Variants in ABCG1 observed in about 807,000 individuals in gnomAD.
The protein encoded by ABCG1 is ATP-binding cassette sub-family G member 1.
ABCG1 carries 29 observed loss-of-function variants against 69.2 expected under a neutral mutation model. The observed-to-expected ratio is 0.42, with a 90% CI of 0.31 to 0.57. The LOEUF (loss-of-function observed/expected upper bound fraction) is 0.57, where lower values mean the gene tolerates loss of function less well. Among genes scored for constraint, ABCG1 ranks in the 20% least tolerant of loss-of-function variants. The pLI is 0.15. For missense variants in ABCG1, 718 were observed against 898.1 expected (o/e 0.80, Z 2.56); for synonymous variants, 370 against 374.8 (o/e 0.99, Z 0.15).
chr21:42,215,065 T>C (rs1450694971), upstream of ABCG1, among the ~76,000 whole-genome samples: 1 of 152,224 alleles, frequency 6.6e-6, no homozygotes, highest in African/African-American at 2.4e-5. Context: ...GCAGGCTGCA[T>C]GCAGACCAGC....
intron 4 of ABCG1, among the ~76,000 whole-genome samples, chr21:42,274,562 C>A (rs952322829): frequency 2.0e-5 from 3 of 151,258 alleles, no homozygotes; most frequent in Non-Finnish European, 4.4e-5. Context: ...GCAACCTCCG[C>A]CTCCCAGGTT....
At chr21:42,212,939 C>A (rs545614015), upstream of ABCG1, among the ~76,000 whole-genome samples, 1 of 152,164 alleles carries the variant, frequency 6.6e-6, no homozygotes, top group African/African-American at 2.4e-5. Flanking sequence ...GTGATCCGCC[C>A]GCCTTGGCCT....
chr21:42,220,182 C>G (rs561355302), intron 1 of ABCG1: 8 of 717,660 alleles, frequency 1.1e-5, no homozygotes, highest in Non-Finnish European at 1.9e-5. Context: ...CTACGCCCAG[C>G]ACACCAACAT....
At chr21:42,260,217 A>G in intron 2 of ABCG1, 1 of 1,544,994 alleles carries the variant, frequency 6.5e-7, no homozygotes, top group African/African-American at 1.4e-5. Context: ...TGCTCACTTC[A>G]ACCCTGCAGG....
Position 42,219,972 on chromosome 21 carries a change from A to G in ABCG1, c.42+668A>G, listed in dbSNP as rs1228280062. 3 of 1,552,070 alleles carry G rather than the reference A, an allele frequency of 1.9e-6. No homozygotes were observed. Among genetic ancestry groups the G allele is most frequent in the South Asian group, 1.2e-5 (1 of 84,082 alleles). ...AGAGAGAGACGCGGTGGGGACAGGG[A>G]TGCGCATTTCACTTCCCCGAGCTCC... On this transcript the variant is annotated intron_variant, in intron 1 of 14. Coordinates refer to ENST00000398449, the MANE Select transcript of ABCG1 (RefSeq NM_016818.3). This position sits in a 1 kb window ranked among gnomAD's most constrained non-coding sequence, Gnocchi z 5.3.
chr21:42,265,776 G>C (rs549648616), intron 2 of ABCG1, among the ~76,000 whole-genome samples: 1 of 152,346 alleles, frequency 6.6e-6, no homozygotes, highest in Admixed American at 6.5e-5. Flanking sequence ...GCTGGCTCAG[G>C]ACCGCAGGCT....
intron 1 of ABCG1, among the ~76,000 whole-genome samples, chr21:42,223,172 C>T (rs76253962): frequency 0.057 from 8,650 of 152,244 alleles, 343 homozygotes; most frequent in African/African-American, 0.1. Flanking sequence ...ACGCTCCAGC[C>T]CCTGCGTTTC....
At position 42,296,228 on chromosome 21, in the gene ABCG1, A is replaced by G. The variant is rs1366985650; in HGVS notation, c.1837A>G (p.Ile613Val). 2.5e-6 allele frequency: 4 copies of G among 1,613,996 alleles called. No individual in the cohort carries two copies. The highest frequency in any genetic ancestry group is 2.2e-5 in the South Asian group (2 of 91,076). ...AGACCGGGAAGATCTGCACTGTGAC[A>G]TCGACGAGACGTGCCACTTCCAGAA... ...GLDREDLHCDIDETCHFQKSE... is the reference protein window; with the variant it reads ...GLDREDLHCDVDETCHFQKSE... Residue 613 changes from isoleucine (I) to valine (V), a missense_variant, in exon 15 of 15, where the codon ATC (isoleucine) becomes GTC (valine). Transcript: ENST00000398449. The surrounding 1 kb of genome is among the most constrained non-coding windows in gnomAD (Gnocchi z 5.4).
chr21:42,208,594 A>G (rs1257733378), intron 2 of ABCG1, among the ~76,000 whole-genome samples: 1 of 152,188 alleles, frequency 6.6e-6, no homozygotes, highest in East Asian at 1.9e-4. Flanking sequence ...ATAGCAGTGA[A>G]CGTGTGGAAA....
At chr21:42,289,388 T>G (rs1380336078) in intron 10 of ABCG1, among the ~76,000 whole-genome samples, 1 of 152,192 alleles carries the variant, frequency 6.6e-6, no homozygotes, top group Non-Finnish European at 1.5e-5. Flanking sequence ...AAATCATCAC[T>G]TGCACTCACA....
At chr21:42,270,995 G>A in intron 2 of ABCG1, 75 bp from the exon 3 acceptor site, 8 of 1,064,036 alleles carry the variant, frequency 7.5e-6, no homozygotes, top group Non-Finnish European at 1.0e-5. Flanking sequence ...TTGGTCATGT[G>A]TACTTGAACA....
intron 10 of ABCG1, among the ~76,000 whole-genome samples, 200 bp from the exon 11 acceptor site, chr21:42,289,848 GTA>G (rs1434646389): frequency 2.0e-5 from 3 of 152,190 alleles, no homozygotes; most frequent in Non-Finnish European, 4.4e-5. Flanking sequence ...GAGCAGGCGT[GTA>G]TGTGTGTGTG....
At chr21:42,274,997 G>A (rs988705433) in intron 4 of ABCG1, among the ~76,000 whole-genome samples, 11 of 152,056 alleles carry the variant, frequency 7.2e-5, no homozygotes, top group Non-Finnish European at 1.2e-4. Flanking sequence ...TGTCTCTCCT[G>A]GCACCCTAGG....
rs543327592 is a variant in ABCG1, at chr21:42,251,120, C to A, written c.287-19950C>A. On this transcript the variant is annotated intron_variant, in intron 2 of 14. Transcript: ENST00000398449. ...AGGCCCACGGTCGGTCGGTGACCTA[C>A]CCAGGAGGGAAGTGGGATTCAGACC... Among the ~76,000 whole-genome samples, 8 of 152,292 alleles carry A rather than the reference C, an allele frequency of 5.3e-5. No individual in the cohort carries two copies. In the East Asian group the frequency reaches 1.3e-3, roughly 26 times the overall value.
chr21:42,263,759 G>A (rs55690917), intron 2 of ABCG1, among the ~76,000 whole-genome samples: 7,275 of 152,286 alleles, frequency 0.048, 533 homozygotes, highest in African/African-American at 0.16. Context: ...AGACTGTGGG[G>A]AGGGGCCAGG....
intron 2 of ABCG1, among the ~76,000 whole-genome samples, chr21:42,251,805 C>T (rs1006954038): frequency 6.6e-6 from 1 of 152,248 alleles, no homozygotes; most frequent in Non-Finnish European, 1.5e-5. Flanking sequence ...CCCAGGCAGG[C>T]CACGCCAGCA....
In ABCG1 at chr21:42,291,083, A is replaced by G. The variant is rs201180023; in HGVS notation, c.1394-9A>G. 6.2e-6 allele frequency: 10 copies of G among 1,610,556 alleles called. No homozygotes were observed. In the African/African-American group the frequency reaches 9.4e-5, roughly 15 times the overall value. On this transcript the variant is annotated splice_polypyrimidine_tract_variant and intron_variant, in intron 11 of 14. Transcript: ENST00000398449. This position sits in a 1 kb window ranked among gnomAD's most constrained non-coding sequence, Gnocchi z 6.4. ...ACTGACCCTTCTTTTTTGCTTTTCT[A>G]TCTCCTAGTTCCCCTGGAGATGGGA... is the stretch of plus-strand genomic sequence containing the variant.
chr21:42,236,793 A>T (rs1253097412), intron 2 of ABCG1, among the ~76,000 whole-genome samples: 1 of 152,230 alleles, frequency 6.6e-6, no homozygotes, highest in African/African-American at 2.4e-5. Context: ...TACATCTATG[A>T]TAACTATGGT....
rs1174734706 is a variant in ABCG1 at position 42,207,275 on chromosome 21, G to C, written c.48+5552G>C. Among the ~76,000 whole-genome samples, 4 of 152,020 alleles carry C rather than the reference G, an allele frequency of 2.6e-5. 1 individual carries two copies. The highest frequency in any genetic ancestry group is 2.6e-4 in the Admixed American group (4 of 15,258). On this transcript the variant is annotated intron_variant, in intron 2 of 15. Coordinates refer to the ABCG1 transcript ENST00000398457. ...GTTGTGTTCATTTTTTGTTCAGCTT[G>C]TTTTTCTCTGTTGTTCAGATTTGAT... is the stretch of plus-strand genomic sequence containing the variant.
Sources: gnomAD v4.1 joint callset for allele counts (sites outside exome capture counted in the v4.1 genomes callset) on GRCh38, gnomAD v4.1.1 for gene constraint, Gnocchi (gnomAD v3.1) non-coding constraint, MANE v1.5 for transcripts, NCBI Gene and HGNC (gene_info 2026-07-23, HGNC 2026-07-21) for gene names.